CFAP91: variants seen among roughly 807,000 people sequenced by gnomAD.
CFAP91 encodes cilia- and flagella-associated protein 91.
Under a neutral mutation model 95.9 loss-of-function variants are expected in CFAP91, and 85 were observed. The ratio of observed to expected loss-of-function variants is 0.89; its 90% CI spans 0.74 to 1.06. CFAP91 has a LOEUF of 1.06. CFAP91 is among the 50% of genes least tolerant of loss of function. CFAP91 has a pLI of 0.00. For synonymous variants in CFAP91, 335 were observed against 327.5 expected (o/e 1.02, Z -0.25); for missense variants, 962 against 943.4 (o/e 1.02, Z -0.26).
chr3:119,707,734 T>TATATATATATATATATAC (rs1038627700), intron 3 of CFAP91, among the ~76,000 whole-genome samples, 173 bp downstream of exon 3: 5 of 147,716 alleles, frequency 3.4e-5, no homozygotes, highest in Non-Finnish European at 6.0e-5. Flanking sequence ...ATATATGAGA[T>TATATATATATATATATAC]ATATATATAT....
At chr3:119,744,480 G>A (rs1577236059) in intron 14 of CFAP91, among the ~76,000 whole-genome samples, 2 of 152,210 alleles carry the variant, frequency 1.3e-5, no homozygotes, top group Non-Finnish European at 2.9e-5. Context: ...CACATTTTAA[G>A]CCAGTTACTT....
chr3:119,706,973 A>C (rs1559744664), intron 2 of CFAP91, 88 bp downstream of exon 2: 1 of 1,009,576 alleles, frequency 9.9e-7, no homozygotes, highest in African/African-American at 1.6e-5. Context: ...CTAATCACCA[A>C]ATCTTCACTG....
intron 9 of CFAP91, among the ~76,000 whole-genome samples, chr3:119,732,948 A>C (rs2053931661): frequency 2.0e-5 from 3 of 152,236 alleles, no homozygotes; most frequent in Admixed American, 2.0e-4. Context: ...TTGAAGTATC[A>C]CATGGCCAAG....
At chr3:119,742,141 A>G (rs1188699155) in intron 13 of CFAP91, among the ~76,000 whole-genome samples, 2 of 152,186 alleles carry the variant, frequency 1.3e-5, no homozygotes, top group Non-Finnish European at 2.9e-5. Flanking sequence ...CAGCTCATTT[A>G]TTCCATTTAG....
chr3:119,751,791 C>T (rs957461334), intron 17 of CFAP91, among the ~76,000 whole-genome samples: 14 of 152,090 alleles, frequency 9.2e-5, no homozygotes, highest in Admixed American at 5.2e-4. Flanking sequence ...GCTGCCCTGG[C>T]GTAAAACTTC....
At chr3:119,759,386 T>C (rs2054492217) in intron 17 of CFAP91, among the ~76,000 whole-genome samples, 1 of 151,932 alleles carries the variant, frequency 6.6e-6, no homozygotes, top group East Asian at 1.9e-4. Context: ...GGATTGTGAT[T>C]GGGAAGGGGT....
intron 5 of CFAP91, 123 bp from the exon 6 acceptor site, chr3:119,715,439 C>T: frequency 1.2e-6 from 1 of 830,104 alleles, no homozygotes; most frequent in South Asian, 1.4e-5. Flanking sequence ...TGATTTTGTA[C>T]CTGTCAACAT....
intron 10 of CFAP91, among the ~76,000 whole-genome samples, chr3:119,736,570 C>T (rs938259886): frequency 1.3e-5 from 2 of 152,156 alleles, no homozygotes; most frequent in African/African-American, 4.8e-5. Flanking sequence ...GCCACCGCGC[C>T]CGGCCTATTC....
At chr3:119,727,076 T>C (rs1173942577) in intron 7 of CFAP91, among the ~76,000 whole-genome samples, 3 of 152,208 alleles carry the variant, frequency 2.0e-5, no homozygotes, top group Non-Finnish European at 4.4e-5. Context: ...CAAAAAATTA[T>C]AACTCTCTAG....
chr3:119,733,645 A>G lies in CFAP91; in HGVS notation c.1344+139A>G, dbSNP rs28595123. ...GCTCTGCACTTTTCTGAGGTTGCCCATGCTGTGCTGAACCAATGTGTATTT... is the reference window on the plus strand; with the variant it reads ...GCTCTGCACTTTTCTGAGGTTGCCCGTGCTGTGCTGAACCAATGTGTATTT... On this transcript the variant is annotated intron_variant, in intron 10 of 17. Transcript: ENST00000273390. The G allele has an allele frequency of 4.2e-3, 3,523 of 829,110 alleles. 88 individuals are homozygous for G. In the African/African-American group the frequency reaches 0.055, roughly 13 times the overall value. 51.4% of individuals were successfully genotyped at this position (829,110 alleles called of 1,614,324 possible). A position where few individuals can be genotyped will look rare whatever the true frequency, so the allele number is the denominator to read the frequency against.
chr3:119,742,779 G>T (rs2054145057), intron 13 of CFAP91, among the ~76,000 whole-genome samples: 1 of 152,160 alleles, frequency 6.6e-6, no homozygotes, highest in South Asian at 2.1e-4. Context: ...GATGGGTGGT[G>T]TTGGGGCCAA....
Position 119,766,417 on chromosome 3 carries a change from T to C in CFAP91, c.*1367T>C, listed in dbSNP as rs553992221. 1 of 152,230 alleles carries C rather than the reference T, an allele frequency of 6.6e-6. No individual in the cohort carries two copies. The highest frequency in any genetic ancestry group is 2.1e-4 in the South Asian group (1 of 4,822). 9.4% of individuals were successfully genotyped at this position (152,230 alleles called of 1,614,324 possible). A position where few individuals can be genotyped will look rare whatever the true frequency, so the allele number is the denominator to read the frequency against. ...ACCTTTTTTTCCCCCTGAGGATCAC[T>C]GACAAAAAACACTGCACCAGTAAGG... On this transcript the variant is annotated 3_prime_UTR_variant, in exon 18 of 18. Transcript: ENST00000273390.
chr3:119,749,098 C>T (rs980151606), intron 16 of CFAP91: 1 of 152,186 alleles, frequency 6.6e-6, no homozygotes, highest in South Asian at 2.1e-4. Context: ...TTTCTAGGAC[C>T]TTAAGAAAAT....
intron 17 of CFAP91, among the ~76,000 whole-genome samples, chr3:119,762,867 G>A: frequency 6.6e-6 from 1 of 152,000 alleles, no homozygotes; most frequent in East Asian, 1.9e-4. Context: ...CTGTAAAACT[G>A]CGAGAAGAAA....
At chr3:119,706,605 A>G (rs1180845490) in intron 1 of CFAP91, 1 of 520,334 alleles carries the variant, frequency 1.9e-6, no homozygotes, top group Non-Finnish European at 3.4e-6. Flanking sequence ...TCAGAAAAGA[A>G]AAACATCTTG....
intron 5 of CFAP91, 76 bp downstream of exon 5, chr3:119,709,971 T>G: frequency 2.7e-6 from 3 of 1,094,252 alleles, no homozygotes; most frequent in Non-Finnish European, 4.2e-6. Context: ...AGAAGATAGT[T>G]CACTAAATCA....
intron 6 of CFAP91, among the ~76,000 whole-genome samples, chr3:119,723,636 A>G (rs972842403): frequency 3.9e-5 from 6 of 152,190 alleles, no homozygotes. Flanking sequence ...TATTAAATAA[A>G]CATCAGTACT....
At chr3:119,721,007 G>C (rs1452508838) in intron 6 of CFAP91, among the ~76,000 whole-genome samples, 1 of 152,176 alleles carries the variant, frequency 6.6e-6, no homozygotes, top group Non-Finnish European at 1.5e-5. Context: ...CAAATCCACA[G>C]ATGTAGAACC....
chr3:119,743,692 C>A (rs1050072354), intron 13 of CFAP91, among the ~76,000 whole-genome samples: 1 of 152,114 alleles, frequency 6.6e-6, no homozygotes, highest in Non-Finnish European at 1.5e-5. Flanking sequence ...AGAAAAAAAA[C>A]CCATTCTCCA....
Sources: allele counts gnomAD v4.1 joint callset (sites outside exome capture counted in the v4.1 genomes callset), GRCh38; gene constraint gnomAD v4.1.1; transcripts MANE v1.5; gene names NCBI Gene and HGNC (gene_info 2026-07-23, HGNC 2026-07-21).